Variants in PZP observed in about 807,000 individuals in gnomAD.
PZP encodes the protein PZP alpha-2-macroglobulin like, also known as pregnancy zone protein.
PZP carries 150 observed loss-of-function variants against 179.8 expected under a neutral mutation model. The observed-to-expected ratio is 0.83, with a 90% CI of 0.73 to 0.96. The LOEUF is 0.96. Among genes scored for constraint, PZP ranks in the 40% least tolerant of loss-of-function variants. The pLI is 0.00. For synonymous variants in PZP, 624 were observed against 652.3 expected, an observed-to-expected ratio of 0.96 and a Z score of 0.66; for missense variants, 1,689 against 1,764.0, an observed-to-expected ratio of 0.96 and a Z score of 0.76.
At chr12:9,180,332 G>T (rs1942675326) in intron 15 of PZP, among the ~76,000 whole-genome samples, 1 of 152,004 alleles carries the variant, frequency 6.6e-6, no homozygotes. Flanking sequence ...AAAAGAGCCC[G>T]CATCGCCAAG....
At chr12:9,173,430 A>G (rs1203970481) in intron 15 of PZP, among the ~76,000 whole-genome samples, 3 of 152,192 alleles carry the variant, frequency 2.0e-5, no homozygotes, top group Non-Finnish European at 1.5e-5. Flanking sequence ...AACCAAGAGC[A>G]TACAAACCCC....
At chr12:9,152,163 T>C (rs1431803390) in intron 32 of PZP, 57 bp downstream of exon 32, 39 of 1,248,074 alleles carry the variant, frequency 3.1e-5, no homozygotes, top group Non-Finnish European at 4.4e-5. Flanking sequence ...ATGGTCTTAG[T>C]TTGGGGATAC....
rs1417983544 is a variant in PZP, at chr12:9,158,501, T to C, written c.3213A>G (p.Gln1071=). 3.1e-6 allele frequency: 5 copies of C among 1,614,134 alleles called. No individual in the cohort carries two copies. The highest frequency in any genetic ancestry group is 2.7e-5 in the African/African-American group (2 of 75,014). ...GCATCTGGGAGAGCCACGTGAGAGA[T>C]TGGGTAATGTGTGCTTCATCAATGA... is the stretch of plus-strand genomic sequence containing the variant. ...YIFIDEAHIT[Q]SLTWLSQMQK... The change falls in exon 26 of 36, where the codon CAA becomes CAG. Residue 1071 remains glutamine, a synonymous_variant. Coordinates refer to ENST00000261336, the MANE Select transcript of PZP (RefSeq NM_002864.3).
In PZP at chr12:9,152,832, C is replaced by A; in HGVS notation, c.4113G>T (p.Leu1371=). 6.2e-7 allele frequency: 1 copy of A among 1,614,018 alleles called. No homozygotes were observed. Among genetic ancestry groups the A allele is most frequent in the South Asian group, 1.1e-5 (1 of 91,022 alleles). The change falls in exon 31 of 36, where the codon CTG becomes CTT. Residue 1371 remains leucine, a synonymous_variant. Transcript: ENST00000261336. ...HKAHTSFQIS[L]TISYTGNRPA... ...AGGTTAGAACGTCTTACCTGATGGT[C>A]AGTGAGATCTGAAAGCTGGTGTGGG...
In PZP at chr12:9,197,121, T is replaced by C. The variant is rs146779918; in HGVS notation, c.758A>G (p.Tyr253Cys). 200 of 1,592,466 alleles carry C rather than the reference T, an allele frequency of 1.3e-4. No homozygotes were observed. Among genetic ancestry groups the C allele is most frequent in the Middle Eastern group, 1.7e-4 (1 of 6,044 alleles). ...EKVNITVCGE[Y>C]TYGKPVPGLA... ...TCCTGGGACAGGCTTCCCATAAGTG[T>C]ATCTGGTACATGAGAAATAAATCAG... The change falls in exon 8 of 36, where the codon TAC becomes TGC. Residue 253 changes from tyrosine to cysteine, a missense_variant and splice_region_variant. Physicochemically the swap from Tyr to Cys is radical, Grantham distance 194 (BLOSUM62 -2). Around this residue, in one of 3 missense-constraint regions of PZP, gnomAD observed 742 missense variants for 730.5 expected, o/e 1.02. Coordinates refer to ENST00000261336, the MANE Select transcript of PZP (RefSeq NM_002864.3).
chr12:9,150,651 A>G lies in PZP; in HGVS notation c.4377T>C (p.Tyr1459=), dbSNP rs762201369. ...CATTTTTCTTTCACTCACCTGTCTC[A>G]TAGTAATCATAGACTTTAACAATTG... ...KPAIVKVYDY[Y]ETDESVVAEY... Residue 1459 remains tyrosine (Y), a synonymous_variant, in exon 34 of 36, where the codon TAT becomes TAC. Coordinates refer to ENST00000261336, the MANE Select transcript of PZP (RefSeq NM_002864.3). The G allele has an allele frequency of 1.9e-6, 3 of 1,597,290 alleles. No homozygotes were observed. Among genetic ancestry groups the G allele is most frequent in the Non-Finnish European group, 2.6e-6 (3 of 1,166,142 alleles).
chr12:9,148,779 A>G, downstream of PZP: 1 of 562,496 alleles, frequency 1.8e-6, no homozygotes. Flanking sequence ...AAACAGAAAG[A>G]ATATAACTCA....
rs943245686 is a variant in PZP, at chr12:9,208,201, A to G, written c.83+58T>C. The G allele has an allele frequency of 1.8e-5, 24 of 1,350,550 alleles. No homozygotes were observed. In the Admixed American group the frequency reaches 4.0e-4, roughly 23 times the overall value. 83.7% of individuals were successfully genotyped at this position (1,350,550 alleles called of 1,614,324 possible). A position where few individuals can be genotyped will look rare whatever the true frequency, so the allele number is the denominator to read the frequency against. ...GCATTTACAAAGGAAGGCAAAGCGA[A>G]GACACAAGGGAGAGACTGAAACGCA... is the stretch of plus-strand genomic sequence containing the variant. On this transcript the variant is annotated intron_variant, in intron 1 of 35. Coordinates refer to ENST00000261336, the MANE Select transcript of PZP (RefSeq NM_002864.3).
At chr12:9,142,175 C>T in the PZP span, among the ~76,000 whole-genome samples, 2 of 152,136 alleles carry the variant, frequency 1.3e-5, no homozygotes, top group Admixed American at 1.3e-4. Context: ...AAGATGATAA[C>T]AGTCCTTTCC....
chr12:9,200,424 A>T lies in PZP; in HGVS notation c.695T>A (p.Val232Asp), dbSNP rs1944088990. ...EFVLPKFEVK[V>D]QVPKIISIMD... The stretch of plus-strand genomic sequence containing the variant: ...GATACTGATTATCTTTGGCACCTGA[A>T]CTTTGACCTCAAACTTGGGAAGCAC... The change falls in exon 7 of 36, where the codon GTT (valine) becomes GAT (aspartate). Residue 232 changes from valine to aspartate, a missense_variant. By Grantham distance (152) the Val-to-Asp change is radical. This residue lies in a region of PZP where 742 missense variants were observed against 730.5 expected (regional missense o/e 1.02). Transcript: ENST00000261336. The T allele has an allele frequency of 6.2e-7, 1 of 1,611,030 alleles. No individual in the cohort carries two copies. The highest frequency in any genetic ancestry group is 8.5e-7 in the Non-Finnish European group (1 of 1,177,468).
intron 7 of PZP, among the ~76,000 whole-genome samples, chr12:9,197,686 TAATATATATAATTATATATTATACAATAC>T (rs1565664788): frequency 0.025 from 2,399 of 97,838 alleles, 148 homozygotes; most frequent in Non-Finnish European, 0.028. Flanking sequence ...ATACAATACA[TAATATATATAATTATATATTATACAATAC>T]ATAATATATA....
intron 13 of PZP, among the ~76,000 whole-genome samples, chr12:9,185,913 T>C (rs1943083897): frequency 6.6e-6 from 1 of 151,292 alleles, no homozygotes; most frequent in Non-Finnish European, 1.5e-5. Flanking sequence ...GTTCAAACAG[T>C]TCTCCTGCCT....
At position 9,179,616 on chromosome 12, in the gene PZP, G is replaced by A. The variant is rs140044485; in HGVS notation, c.1839+1367C>T. ...ACAACTCTACAGACATAAATAGTTC[G>A]ATCTGTTAAAAGATACATGACTTCC... is the stretch of plus-strand genomic sequence containing the variant. On this transcript the variant is annotated intron_variant, in intron 15 of 35. Coordinates refer to ENST00000261336, the MANE Select transcript of PZP (RefSeq NM_002864.3). Among the ~76,000 whole-genome samples the A allele has an allele frequency of 4.9e-3, 750 of 152,194 alleles. 5 individuals are homozygous for A. Among genetic ancestry groups the A allele is most frequent in the Non-Finnish European group, 8.1e-3 (550 of 67,992 alleles).
chr12:9,184,796 C>G (rs1243880156), intron 13 of PZP, among the ~76,000 whole-genome samples: 1 of 152,208 alleles, frequency 6.6e-6, no homozygotes, highest in Non-Finnish European at 1.5e-5. Flanking sequence ...ATCCAGGAGT[C>G]CTGAACTGAG....
chr12:9,171,889 G>C (rs1341423249), intron 15 of PZP, among the ~76,000 whole-genome samples: 1 of 152,188 alleles, frequency 6.6e-6, no homozygotes, highest in Non-Finnish European at 1.5e-5. Flanking sequence ...AAGAGACAGG[G>C]AGAATGGAAC....
chr12:9,182,116 C>T lies in PZP; in HGVS notation c.1548G>A (p.Met516Ile). ...GGAAGGATAAGGCAAAACTGCCTTT[C>T]ACTGGAACATGGAGAGAGTGAGACA... Reference protein sequence around the residue: ...THTLPVESGDMKGSFALSFPV... With the variant: ...THTLPVESGDIKGSFALSFPV... Residue 516 changes from methionine (M) to isoleucine (I), a missense_variant and splice_region_variant, in exon 14 of 36, where the codon ATG (methionine) becomes ATA (isoleucine). Around this residue, in one of 3 missense-constraint regions of PZP, gnomAD observed 742 missense variants for 730.5 expected, o/e 1.02. Transcript: ENST00000261336. 1 of 939,084 alleles carries T rather than the reference C, an allele frequency of 1.1e-6. No individual in the cohort carries two copies. The highest frequency in any genetic ancestry group is 1.4e-6 in the Non-Finnish European group (1 of 697,680). 58.2% of individuals were successfully genotyped at this position (939,084 alleles called of 1,614,324 possible).
rs367886191 is a variant in PZP at position 9,166,219 on chromosome 12, T to C, written c.2108-17A>G. 40 of 1,606,626 alleles carry C rather than the reference T, an allele frequency of 2.5e-5. No individual in the cohort carries two copies. The highest frequency in any genetic ancestry group is 5.1e-6 in the Non-Finnish European group (6 of 1,178,094). On this transcript the variant is annotated splice_polypyrimidine_tract_variant and intron_variant, in intron 17 of 35. Transcript: ENST00000261336. ...CTAGACCTGCTAAAGTAAGAGAAAA[T>C]TGTCTAGTTAGGGAAAAACATTCAT...
the PZP span, among the ~76,000 whole-genome samples, chr12:9,138,003 C>A: frequency 6.6e-6 from 1 of 151,962 alleles, no homozygotes; most frequent in African/African-American, 2.4e-5. Flanking sequence ...ATTTGGTAGG[C>A]TTTAATTTAT....
chr12:9,195,309 C>T (rs1474246364), intron 10 of PZP, among the ~76,000 whole-genome samples: 3 of 152,016 alleles, frequency 2.0e-5, no homozygotes, highest in Non-Finnish European at 4.4e-5. Flanking sequence ...TAGTTACTAA[C>T]GTTATTATTA....
Sources: gnomAD v4.1 joint callset for allele counts (sites outside exome capture counted in the v4.1 genomes callset) on GRCh38, gnomAD v4.1.1 for gene constraint, gnomAD v4.1.1 regional missense constraint, MANE v1.5 for transcripts, NCBI Gene and HGNC (gene_info 2026-07-23, HGNC 2026-07-21) for gene names.